The following IMMP2L variants were observed in gnomAD, a reference collection of about 807,000 sequenced individuals.
IMMP2L encodes mitochondrial inner membrane protease subunit 2.
In IMMP2L, 18 loss-of-function variants were observed where a neutral mutation model predicts 19.3. That is an observed-to-expected ratio of 0.93 (90% CI 0.64 to 1.38). The LOEUF is 1.38. IMMP2L is among the 40% of genes most tolerant of loss of function. IMMP2L has a pLI of 0.00. For missense variants in IMMP2L, 233 were observed against 218.2 expected (o/e 1.07, Z -0.43); for synonymous variants, 76 against 73.0 (o/e 1.04, Z -0.21).
At chr7:111,479,201 T>A (rs998493498) in intron 3 of IMMP2L, among the ~76,000 whole-genome samples, 1 of 152,194 alleles carries the variant, frequency 6.6e-6, no homozygotes, top group Admixed American at 6.5e-5. Flanking sequence ...GCTTGGCCTG[T>A]GTTGCTTGCA....
At chr7:111,231,680 C>G (rs1452078760) in intron 3 of IMMP2L, among the ~76,000 whole-genome samples, 1 of 151,892 alleles carries the variant, frequency 6.6e-6, no homozygotes, top group Non-Finnish European at 1.5e-5. Context: ...ATGTTAGGGG[C>G]TTAGTAAATA....
intron 5 of IMMP2L, among the ~76,000 whole-genome samples, chr7:110,715,117 C>A (rs1471915511): frequency 6.6e-6 from 1 of 152,056 alleles, no homozygotes; most frequent in African/African-American, 2.4e-5. Context: ...GTTGTAATGG[C>A]ACTTTTGTTG....
At chr7:111,493,953 C>A (rs553037822) in intron 2 of IMMP2L, among the ~76,000 whole-genome samples, 36 of 148,138 alleles carry the variant, frequency 2.4e-4, no homozygotes, top group African/African-American at 8.2e-4. Flanking sequence ...TGAGCCGAGA[C>A]CACGCCACTG....
intron 3 of IMMP2L, among the ~76,000 whole-genome samples, chr7:111,059,446 A>G (rs1793811704): frequency 6.6e-6 from 1 of 152,206 alleles, no homozygotes; most frequent in Non-Finnish European, 1.5e-5. Flanking sequence ...TCTAGGGAAA[A>G]GTAAGCATTT....
chr7:110,963,504 C>A lies in IMMP2L; in HGVS notation c.301G>T (p.Val101Phe). 3 of 1,594,560 alleles carry A rather than the reference C, an allele frequency of 1.9e-6. No individual in the cohort carries two copies. The highest frequency in any genetic ancestry group is 3.4e-5 in the Admixed American group (2 of 59,152). The change falls in exon 4 of 6, where the codon GTC becomes TTC. Residue 101 changes from valine (V) to phenylalanine (F), a missense_variant. By Grantham distance (50) the Val-to-Phe change is conservative. Transcript: ENST00000405709. Reference protein sequence around the residue: ...KRVIALEGDIVRTIGHKNRYV... With the variant: ...KRVIALEGDIFRTIGHKNRYV... ...GAAACAACAGTAAATACTTACCTGA[C>A]AATATCTCCTTCAAGAGCAATCACT...
intron 3 of IMMP2L, among the ~76,000 whole-genome samples, chr7:110,992,447 TATA>T (rs1013670875): frequency 2.6e-5 from 4 of 151,904 alleles, no homozygotes; most frequent in Admixed American, 6.6e-5. Context: ...AAGAAATAGG[TATA>T]ATAATAATGC....
chr7:111,284,360 C>T (rs1820254821), intron 3 of IMMP2L, among the ~76,000 whole-genome samples: 1 of 152,108 alleles, frequency 6.6e-6, no homozygotes, highest in Non-Finnish European at 1.5e-5. Flanking sequence ...ACATCCTCTT[C>T]TCCTTCATTA....
At chr7:110,930,449 T>A (rs1339187745) in intron 4 of IMMP2L, among the ~76,000 whole-genome samples, 1 of 152,000 alleles carries the variant, frequency 6.6e-6, no homozygotes, top group African/African-American at 2.4e-5. Context: ...GGAGAGCAAA[T>A]GTTTACCAGG....
intron 3 of IMMP2L, among the ~76,000 whole-genome samples, chr7:111,425,176 A>G (rs1199920257): frequency 1.3e-5 from 2 of 151,746 alleles, no homozygotes; most frequent in Non-Finnish European, 2.9e-5. Context: ...TCGATTCCTT[A>G]AACACAACAT....
intron 3 of IMMP2L, among the ~76,000 whole-genome samples, chr7:110,983,455 A>G: frequency 6.6e-6 from 1 of 152,088 alleles, no homozygotes; most frequent in East Asian, 1.9e-4. Flanking sequence ...CTGCCTCCTC[A>G]TATTCTTCCC....
At chr7:111,491,397 A>G (rs1362392728) in intron 2 of IMMP2L, among the ~76,000 whole-genome samples, 2 of 152,070 alleles carry the variant, frequency 1.3e-5, no homozygotes, top group Admixed American at 1.3e-4. Flanking sequence ...GAACTGCGCT[A>G]CCTTATTTGG....
chr7:111,544,821 T>C (rs1388712881), intron 1 of IMMP2L, among the ~76,000 whole-genome samples: 1 of 151,032 alleles, frequency 6.6e-6, no homozygotes, highest in Non-Finnish European at 1.5e-5. Context: ...GGAAGGTAAC[T>C]GGCTACCCTA....
intron 4 of IMMP2L, among the ~76,000 whole-genome samples, chr7:110,929,438 C>G (rs1180563693): frequency 6.6e-6 from 1 of 152,158 alleles, no homozygotes; most frequent in Admixed American, 6.5e-5. Flanking sequence ...CACCCACTGT[C>G]ACATAAATGT....
chr7:111,497,374 T>C (rs1003901254), intron 2 of IMMP2L, among the ~76,000 whole-genome samples: 1 of 152,150 alleles, frequency 6.6e-6, no homozygotes, highest in African/African-American at 2.4e-5. Flanking sequence ...AGCTTCTTAG[T>C]CTTTTAGCTA....
Position 111,521,388 on chromosome 7 carries a change from AAAG to A in IMMP2L, c.57_59del (p.Phe20del). On this transcript the variant is annotated inframe_deletion, in exon 2 of 6. Transcript: ENST00000405709. ...AAGTCACTGCCACAGGCACCGCCAC[AAAG>A]AAGCCTTTACAAAAGGCCTTGATGT... The A allele has an allele frequency of 6.2e-7, 1 of 1,613,348 alleles. No homozygotes were observed. The highest frequency in any genetic ancestry group is 8.5e-7 in the Non-Finnish European group (1 of 1,179,488).
chr7:110,908,046 A>C (rs1005709778), intron 4 of IMMP2L, among the ~76,000 whole-genome samples: 1 of 152,182 alleles, frequency 6.6e-6, no homozygotes, highest in African/African-American at 2.4e-5. Context: ...TTTTCTCTGC[A>C]GTTGCACTCA....
chr7:111,518,231 C>T (rs1045738874), intron 2 of IMMP2L, among the ~76,000 whole-genome samples: 1 of 152,014 alleles, frequency 6.6e-6, no homozygotes, highest in Admixed American at 6.6e-5. Context: ...CATGCTTCCC[C>T]TAATCACAAA....
intron 3 of IMMP2L, among the ~76,000 whole-genome samples, chr7:111,045,137 A>G (rs1305321064): frequency 6.6e-6 from 1 of 152,222 alleles, no homozygotes; most frequent in African/African-American, 2.4e-5. Flanking sequence ...TACAACAGCT[A>G]TAAGGTAAAA....
chr7:111,099,174 G>A (rs1018532063), intron 3 of IMMP2L, among the ~76,000 whole-genome samples: 2 of 151,574 alleles, frequency 1.3e-5, no homozygotes, highest in Non-Finnish European at 3.0e-5. Context: ...AGGTCATGCA[G>A]TATAATAAGT....
Sources: allele counts gnomAD v4.1 joint callset (sites outside exome capture counted in the v4.1 genomes callset), GRCh38; gene constraint gnomAD v4.1.1; transcripts MANE v1.5; gene names NCBI Gene and HGNC (gene_info 2026-07-23, HGNC 2026-07-21).